Variants in STS observed in about 807,000 individuals in gnomAD.
STS encodes the protein steryl-sulfatase.
STS carries 7 observed loss-of-function variants against 26.8 expected under a neutral mutation model. The observed-to-expected ratio is 0.26, with a 90% confidence interval of 0.15 to 0.49. STS has a LOEUF of 0.49. STS is among the 20% of genes least tolerant of loss of function. STS has a pLI of 0.98. For missense variants in STS, 434 were observed against 465.6 expected, an observed-to-expected ratio of 0.93 and a Z score of 0.63; for synonymous variants, 199 against 189.4, an observed-to-expected ratio of 1.05 and a Z score of -0.42.
chrX:7,232,229 G>T (rs1263996058), intron 2 of STS, among the ~76,000 whole-genome samples: 1 of 112,151 alleles, frequency 8.9e-6, no homozygotes, highest in Non-Finnish European at 1.9e-5. Flanking sequence ...AGCTCTGGGG[G>T]AAATGGAGTC....
At chrX:7,313,971 A>T (rs1926595513) in intron 8 of STS, among the ~76,000 whole-genome samples, 2 of 111,792 alleles carry the variant, frequency 1.8e-5, no homozygotes, top group Non-Finnish European at 3.8e-5. Context: ...GACGTTTTGC[A>T]TTGTTGGCTA....
intron 8 of STS, among the ~76,000 whole-genome samples, chrX:7,314,641 C>T (rs1926631816): frequency 1.8e-5 from 2 of 113,068 alleles, no homozygotes; most frequent in Admixed American, 9.3e-5. Context: ...GACCTTAATA[C>T]TACACAGTTA....
At chrX:7,342,545 T>TTCACA (rs1177425819) in intron 10 of STS, among the ~76,000 whole-genome samples, 2 of 112,570 alleles carry the variant, frequency 1.8e-5, no homozygotes, top group African/African-American at 6.5e-5. Context: ...ATTGGCTGGC[T>TTCACA]GTGAAACAGA....
chrX:7,166,986 A>G (rs1317380527), intron 1 of STS, among the ~76,000 whole-genome samples: 1 of 111,572 alleles, frequency 9.0e-6, no homozygotes, highest in Non-Finnish European at 1.9e-5. Flanking sequence ...TGTAGTCATT[A>G]TTTATCACTG....
At chrX:7,263,578 C>T (rs187339427) in intron 6 of STS, among the ~76,000 whole-genome samples, 35 of 112,096 alleles carry the variant, frequency 3.1e-4, no homozygotes, top group African/African-American at 1.0e-3. Flanking sequence ...GTGCACTGTA[C>T]GATGTTTGCA....
intron 10 of STS, among the ~76,000 whole-genome samples, chrX:7,339,620 G>A (rs1053343943): frequency 2.7e-5 from 3 of 111,987 alleles, no homozygotes; most frequent in Non-Finnish European, 5.6e-5. Flanking sequence ...GTCCTGGGAT[G>A]AACAGAATTT....
At chrX:7,334,251 C>G in intron 10 of STS, 144 bp downstream of exon 10, 1 of 837,380 alleles carries the variant, frequency 1.2e-6, no homozygotes, top group South Asian at 2.1e-5. Context: ...GCTTTGTCCT[C>G]TTTTCCCTCC....
chrX:7,279,401 ATGTGTGTGTGTCTGTG>A lies in STS; in HGVS notation c.943+3326_943+3341del, dbSNP rs1396673619. Among the ~76,000 whole-genome samples the A allele has an allele frequency of 1.4e-4, 7 of 50,295 alleles. No individual in the cohort carries two copies. In the East Asian group the frequency reaches 2.9e-3, roughly 21 times the overall value. 43.7% of individuals were successfully genotyped at this position (50,295 alleles called of 115,157 possible). A position where few individuals can be genotyped will look rare whatever the true frequency, so the allele number is the denominator to read the frequency against. ...TGTATATATATGTGTGTGTATATAT[ATGTGTGTGTGTCTGTG>A]TGTGTGTGTGTGTGTGTGTGTGTAT... On this transcript the variant is annotated intron_variant, in intron 7 of 10. Coordinates refer to ENST00000674429, the MANE Select transcript of STS (RefSeq NM_001320752.2).
intron 2 of STS, among the ~76,000 whole-genome samples, chrX:7,229,327 C>A (rs1369181497): frequency 9.0e-6 from 1 of 111,505 alleles, no homozygotes; most frequent in East Asian, 2.8e-4. Flanking sequence ...GAGAGGGGAT[C>A]CACACTTTCC....
chrX:7,326,240 C>T (rs1927464989), intron 9 of STS, among the ~76,000 whole-genome samples: 2 of 111,446 alleles, frequency 1.8e-5, no homozygotes, highest in Non-Finnish European at 3.8e-5. Context: ...TGGGGCCTTA[C>T]TGGTGGGTTT....
chrX:7,290,883 A>G (rs1024914084), intron 7 of STS, among the ~76,000 whole-genome samples: 7 of 111,845 alleles, frequency 6.3e-5, no homozygotes, highest in Non-Finnish European at 1.3e-4. Context: ...CACTATTGTT[A>G]GGAAGCCTTC....
At chrX:7,229,555 G>A (rs1479150678) in intron 2 of STS, among the ~76,000 whole-genome samples, 2 of 110,895 alleles carry the variant, frequency 1.8e-5, no homozygotes, top group African/African-American at 6.6e-5. Flanking sequence ...GTGCATCTGA[G>A]CTTCCCTGCA....
chrX:7,230,600 G>T (rs1922015551), intron 2 of STS, among the ~76,000 whole-genome samples: 2 of 112,213 alleles, frequency 1.8e-5, no homozygotes, highest in African/African-American at 3.2e-5. Flanking sequence ...CCGCATGGCT[G>T]GGAAGGCCTC....
At chrX:7,201,119 A>G (rs749391110) in intron 2 of STS, among the ~76,000 whole-genome samples, 1 of 111,482 alleles carries the variant, frequency 9.0e-6, no homozygotes, top group Non-Finnish European at 1.9e-5. Flanking sequence ...ATAGACAGAT[A>G]TATAGATAGA....
chrX:7,282,734 A>G (rs1408501436), intron 7 of STS, among the ~76,000 whole-genome samples: 1 of 112,358 alleles, frequency 8.9e-6, no homozygotes, highest in East Asian at 2.8e-4. Flanking sequence ...GGTACACATT[A>G]GGTGCTCAAT....
intron 1 of STS, among the ~76,000 whole-genome samples, chrX:7,173,837 G>GCTCT (rs1280123876): frequency 8.9e-6 from 1 of 111,983 alleles, no homozygotes. Context: ...ATCAAATATT[G>GCTCT]CTCTGAAATG....
chrX:7,148,578 T>A (rs907790771), intron 1 of STS, among the ~76,000 whole-genome samples: 1 of 112,468 alleles, frequency 8.9e-6, no homozygotes, highest in Admixed American at 9.3e-5. Flanking sequence ...AGCCATCAGG[T>A]TGCAGACAAA....
At chrX:7,209,393 ATATG>A (rs1326230377) in intron 2 of STS, among the ~76,000 whole-genome samples, 1 of 106,602 alleles carries the variant, frequency 9.4e-6, no homozygotes, top group Non-Finnish European at 1.9e-5. Context: ...AAATGCATAT[ATATG>A]TATTTATAGA....
chrX:7,152,389 T>A (rs1276111528), intron 1 of STS, among the ~76,000 whole-genome samples: 1 of 111,817 alleles, frequency 8.9e-6, no homozygotes, highest in Non-Finnish European at 1.9e-5. Flanking sequence ...TGAAGTCGGC[T>A]CACTGCAACT....
Sources: allele counts gnomAD v4.1 joint callset (sites outside exome capture counted in the v4.1 genomes callset), GRCh38; gene constraint gnomAD v4.1.1; transcripts MANE v1.5; gene names NCBI Gene and HGNC (gene_info 2026-07-23, HGNC 2026-07-21).